Variants in PDE10A observed in about 807,000 individuals in gnomAD.
PDE10A encodes phosphodiesterase 10A.
In PDE10A, 39 loss-of-function variants were observed where a neutral mutation model predicts 97.7. That is an observed-to-expected ratio of 0.40 (90% CI 0.31 to 0.52). The LOEUF is 0.52. PDE10A is among the 20% of genes least tolerant of loss of function. The pLI, the probability that PDE10A is intolerant of heterozygous loss-of-function variation, is 0.56. For synonymous variants in PDE10A, 371 were observed against 376.8 expected, an observed-to-expected ratio of 0.98 and a Z score of 0.18; for missense variants, 731 against 1,047.8, an observed-to-expected ratio of 0.70 and a Z score of 4.17.
intron 18 of PDE10A, among the ~76,000 whole-genome samples, chr6:165,368,246 T>C (rs889852852): frequency 2.0e-5 from 3 of 152,234 alleles, no homozygotes; most frequent in Non-Finnish European, 4.4e-5. Context: ...TCAGCCTGGC[T>C]TGGCATCCCA....
chr6:165,457,639 T>C (rs1315505523), intron 3 of PDE10A, among the ~76,000 whole-genome samples: 1 of 152,164 alleles, frequency 6.6e-6, no homozygotes, highest in Non-Finnish European at 1.5e-5. Context: ...CATTTTAATA[T>C]ATCCTGAGTT....
chr6:165,770,741 T>C (rs1331366424), intron 1 of PDE10A, among the ~76,000 whole-genome samples: 1 of 152,204 alleles, frequency 6.6e-6, no homozygotes, highest in Non-Finnish European at 1.5e-5. Context: ...AGCTGGTCTC[T>C]AAACCCAGTG....
At chr6:165,691,947 T>C (rs753098879) in intron 1 of PDE10A, among the ~76,000 whole-genome samples, 4 of 152,262 alleles carry the variant, frequency 2.6e-5, no homozygotes, top group Non-Finnish European at 4.4e-5. Flanking sequence ...TGACACTTTC[T>C]GGATGTGCAC....
At chr6:165,378,334 AAAG>A (rs1376915920) in intron 18 of PDE10A, among the ~76,000 whole-genome samples, 2 of 152,180 alleles carry the variant, frequency 1.3e-5, no homozygotes, top group African/African-American at 4.8e-5. Flanking sequence ...CAAGAGTGGC[AAAG>A]AAGCAGTAAG....
At chr6:165,361,395 G>T (rs1461849728) in intron 18 of PDE10A, among the ~76,000 whole-genome samples, 1 of 152,068 alleles carries the variant, frequency 6.6e-6, no homozygotes, top group Non-Finnish European at 1.5e-5. Context: ...AAAGAAACTT[G>T]GAATCTTCAA....
At chr6:165,792,036 C>G (rs1359736282) in intron 1 of PDE10A, among the ~76,000 whole-genome samples, 1 of 152,160 alleles carries the variant, frequency 6.6e-6, no homozygotes, top group African/African-American at 2.4e-5. Context: ...GGCCCCCGCA[C>G]GCAGCCCAGC....
intron 10 of PDE10A, among the ~76,000 whole-genome samples, chr6:165,420,793 T>A (rs998794679): frequency 2.0e-5 from 3 of 152,206 alleles, no homozygotes; most frequent in Admixed American, 2.0e-4. Context: ...TAAAATGGCT[T>A]CAAATATTAA....
chr6:165,823,524 A>ATATATATATATATATATACATATG (rs72442429), intron 1 of PDE10A, among the ~76,000 whole-genome samples: 1 of 79,484 alleles, frequency 1.3e-5, no homozygotes, highest in Non-Finnish European at 2.8e-5. Context: ...ATATATATAT[A>ATATATATATATATATATACATATG]TGAACCTTAA....
rs1792527269 is a variant in PDE10A at position 165,734,952 on chromosome 6, AG to A, written c.-614-191385del. ...ACAGAAACAGAACCAATAAGAAAGT[AG>A]ATAGATAGATAGATAGATAGATAGA... On this transcript the variant is annotated intron_variant, in intron 1 of 19. Coordinates refer to the PDE10A transcript ENST00000366882. Among the ~76,000 whole-genome samples, 4 of 60,918 alleles carry A rather than the reference AG, an allele frequency of 6.6e-5. No homozygotes were observed. The South Asian group carries it at 2.4e-3, about 37-fold the overall frequency. The allele number at this position is 60,918 out of a possible 152,430, so 40.0% of individuals were successfully genotyped here. A position where few individuals can be genotyped will look rare whatever the true frequency, so the allele number is the denominator to read the frequency against.
chr6:165,435,455 G>T, intron 5 of PDE10A, 78 bp from the exon 6 acceptor site: 1 of 1,217,092 alleles, frequency 8.2e-7, no homozygotes, highest in Non-Finnish European at 1.1e-6. Flanking sequence ...AATCCTAACA[G>T]TCATAATAAA....
intron 1 of PDE10A, among the ~76,000 whole-genome samples, chr6:165,737,005 AACT>A (rs567697178): frequency 7.3e-4 from 111 of 152,350 alleles, no homozygotes; most frequent in African/African-American, 2.2e-3. Context: ...GGATCGTAAA[AACT>A]ACTATTAAAA....
chr6:165,364,751 T>C (rs1221465019), intron 18 of PDE10A, among the ~76,000 whole-genome samples: 1 of 152,166 alleles, frequency 6.6e-6, no homozygotes, highest in African/African-American at 2.4e-5. Flanking sequence ...TTTAACTTAA[T>C]AGTTATATTC....
At chr6:165,497,001 A>G (rs1467096666) in intron 2 of PDE10A, among the ~76,000 whole-genome samples, 1 of 152,226 alleles carries the variant, frequency 6.6e-6, no homozygotes, top group Non-Finnish European at 1.5e-5. Flanking sequence ...ACTACTTTGC[A>G]GAGTTACCAA....
At chr6:165,968,885 A>C (rs1174947536) in intron 1 of PDE10A, among the ~76,000 whole-genome samples, 2 of 152,208 alleles carry the variant, frequency 1.3e-5, no homozygotes, top group African/African-American at 4.8e-5. Context: ...TTGAACCTGC[A>C]CCCTGTGGTC....
chr6:165,710,468 A>C (rs373447789), intron 1 of PDE10A, among the ~76,000 whole-genome samples: 89 of 152,356 alleles, frequency 5.8e-4, no homozygotes, highest in Middle Eastern at 3.4e-3. Flanking sequence ...TTTTCCTGTT[A>C]TAGACACACC....
At chr6:165,640,737 T>C (rs1271483972) in intron 1 of PDE10A, among the ~76,000 whole-genome samples, 1 of 152,208 alleles carries the variant, frequency 6.6e-6, no homozygotes. Context: ...GATACAAATT[T>C]AAATAAAACA....
chr6:165,477,789 CA>C (rs1336118792), intron 3 of PDE10A, among the ~76,000 whole-genome samples: 1 of 152,174 alleles, frequency 6.6e-6, no homozygotes, highest in Non-Finnish European at 1.5e-5. Context: ...TGAGATGGAT[CA>C]AAAGATGGAA....
chr6:165,679,261 G>A (rs186324978), intron 1 of PDE10A, among the ~76,000 whole-genome samples: 19 of 152,292 alleles, frequency 1.2e-4, no homozygotes, highest in Admixed American at 4.6e-4. Context: ...AACTAATGTC[G>A]GCAGATAAAT....
intron 18 of PDE10A, among the ~76,000 whole-genome samples, chr6:165,360,438 A>G (rs1425535725): frequency 5.3e-5 from 8 of 152,196 alleles, no homozygotes; most frequent in African/African-American, 1.9e-4. Context: ...AACTGGATAA[A>G]TGTAGGAGTT....
Sources: gnomAD v4.1 joint callset for allele counts (sites outside exome capture counted in the v4.1 genomes callset) on GRCh38, gnomAD v4.1.1 for gene constraint, MANE v1.5 for transcripts, NCBI Gene and HGNC (gene_info 2026-07-23, HGNC 2026-07-21) for gene names.